The following TANC2 variants were observed in gnomAD, a reference collection of about 807,000 sequenced individuals.
TANC2 encodes tetratricopeptide repeat, ankyrin repeat and coiled-coil containing 2, also known as protein TANC2.
In TANC2, 26 loss-of-function variants were observed where a neutral mutation model predicts 210.5. The observed-to-expected ratio is 0.12, with a 90% CI of 0.09 to 0.17. The LOEUF is 0.17. TANC2 is among the 10% of genes least tolerant of loss of function. TANC2 has a pLI of 1.00. For missense variants in TANC2, 2,129 were observed against 2,608.9 expected, an observed-to-expected ratio of 0.82 and a Z score of 4.01; for synonymous variants, 931 against 967.1, an observed-to-expected ratio of 0.96 and a Z score of 0.69.
At chr17:62,972,996 T>C (rs1475529164) in intron 1 of TANC2, among the ~76,000 whole-genome samples, 2 of 151,724 alleles carry the variant, frequency 1.3e-5, no homozygotes, top group African/African-American at 4.8e-5. Flanking sequence ...CTATCTATTC[T>C]CCCCTTGCAC....
chr17:63,304,869 A>G (rs370838213), intron 9 of TANC2, among the ~76,000 whole-genome samples: 1 of 152,232 alleles, frequency 6.6e-6, no homozygotes, highest in Non-Finnish European at 1.5e-5. Flanking sequence ...GCGGTCTGCC[A>G]CAGCCAGTGT....
chr17:63,388,685 G>A lies in TANC2; in HGVS notation c.2742G>A (p.Trp914Ter). Residue 914 changes from tryptophan to a stop codon, truncating the protein, a stop_gained, in exon 16 of 28, where the codon TGG (tryptophan) becomes TGA (stop). Coordinates refer to ENST00000689528, the Ensembl canonical transcript of TANC2. LOFTEE classifies it high-confidence loss of function. ...CATCCTCCATCCTCCAAGGTCTCTG[G>A]ATCTCTTATAGCACAGAAGGTCTTT... is the stretch of plus-strand genomic sequence containing the variant. 6.2e-7 allele frequency: 1 copy of A among 1,606,368 alleles called. No individual in the cohort carries two copies. The highest frequency in any genetic ancestry group is 8.5e-7 in the Non-Finnish European group (1 of 1,176,102).
chr17:63,257,362 C>T (rs775948422), intron 8 of TANC2, among the ~76,000 whole-genome samples: 9 of 151,794 alleles, frequency 5.9e-5, no homozygotes, highest in Admixed American at 2.0e-4. Context: ...CATCTGGTTT[C>T]GGTTTTTGTT....
rs1251605724 is a variant in TANC2 at position 63,349,906 on chromosome 17, G to A, written c.1808-1344G>A. ...GAATTTCATGTTTTCTTAGTGCTTC[G>A]TCATCTAGAATACCACTCCATTAGT... On this transcript the variant is annotated intron_variant, in intron 12 of 27. Transcript: ENST00000689528. 3.3e-5 allele frequency among the ~76,000 whole-genome samples: 5 copies of A among 151,934 alleles called. No homozygotes were observed. In the South Asian group the frequency reaches 8.3e-4, roughly 25 times the overall value.
chr17:63,016,673 C>A (rs1032610486), intron 2 of TANC2, among the ~76,000 whole-genome samples: 4 of 152,124 alleles, frequency 2.6e-5, no homozygotes, highest in Non-Finnish European at 5.9e-5. Flanking sequence ...AATATTCTTT[C>A]TGTCATGGCA....
chr17:63,111,353 G>C (rs1044781729), intron 4 of TANC2, among the ~76,000 whole-genome samples: 11 of 152,122 alleles, frequency 7.2e-5, no homozygotes, highest in African/African-American at 2.7e-4. Context: ...TTAGTAAAGA[G>C]TTTAGCTCGT....
rs769313187 is a variant in TANC2 at position 63,314,482 on chromosome 17, A to C, written c.1254A>C (p.Arg418=). The C allele has an allele frequency of 4.3e-6, 7 of 1,613,884 alleles. No individual in the cohort carries two copies. The South Asian group carries it at 6.6e-5, about 15-fold the overall frequency. The change falls in exon 10 of 28, where the codon CGA becomes CGC. Residue 418 remains arginine, a synonymous_variant. Transcript: ENST00000689528. The stretch of plus-strand genomic sequence containing the variant: ...CTACAGAGTCAGTGTTTGTTGGCCG[A>C]GATTGGGTTTTCCACGAAATAGATG...
At chr17:63,367,735 T>C (rs2047151401) in intron 14 of TANC2, among the ~76,000 whole-genome samples, 1 of 152,046 alleles carries the variant, frequency 6.6e-6, no homozygotes, top group South Asian at 2.1e-4. Flanking sequence ...AGTGAGAACA[T>C]ATGAAATGCC....
chr17:63,193,085 GT>G (rs2041237047), intron 5 of TANC2, among the ~76,000 whole-genome samples: 1 of 152,096 alleles, frequency 6.6e-6, no homozygotes, highest in Admixed American at 6.6e-5. Flanking sequence ...GAAGAGACCA[GT>G]TTTGCCTTTT....
At position 63,349,034 on chromosome 17, in the gene TANC2, T is replaced by C. The variant is rs186426770; in HGVS notation, c.1808-2216T>C. ...ATGATATCCTTAGATAAATATGCCCTCCTTACTTCCTAAGTGATGACATTT... is the reference window on the plus strand; with the variant it reads ...ATGATATCCTTAGATAAATATGCCCCCCTTACTTCCTAAGTGATGACATTT... On this transcript the variant is annotated intron_variant, in intron 12 of 27. Coordinates refer to ENST00000689528, the Ensembl canonical transcript of TANC2. Among the ~76,000 whole-genome samples, 108 of 152,274 alleles carry C rather than the reference T, an allele frequency of 7.1e-4. 1 individual carries two copies. Among genetic ancestry groups the C allele is most frequent in the African/African-American group, 2.6e-3 (106 of 41,568 alleles).
At chr17:63,139,087 A>C (rs1423192675) in intron 4 of TANC2, among the ~76,000 whole-genome samples, 1 of 152,238 alleles carries the variant, frequency 6.6e-6, no homozygotes, top group Non-Finnish European at 1.5e-5. Context: ...ATCTCATCAA[A>C]TGACTAGATT....
At chr17:63,393,136 A>G (rs2048034084) in intron 17 of TANC2, among the ~76,000 whole-genome samples, 1 of 152,170 alleles carries the variant, frequency 6.6e-6, no homozygotes, top group Non-Finnish European at 1.5e-5. Flanking sequence ...TTGATCTTTT[A>G]TGAGCTTGAC....
At chr17:63,044,605 A>G (rs2035310010) in intron 2 of TANC2, among the ~76,000 whole-genome samples, 2 of 152,150 alleles carry the variant, frequency 1.3e-5, no homozygotes, top group African/African-American at 2.4e-5. Context: ...TAGGAACTAT[A>G]CCTAGAAATG....
chr17:63,176,439 G>A (rs796828898), intron 5 of TANC2, among the ~76,000 whole-genome samples: 6 of 152,192 alleles, frequency 3.9e-5, no homozygotes, highest in African/African-American at 1.4e-4. Flanking sequence ...AATACATACT[G>A]TTTAATTCCT....
At chr17:63,090,670 G>T (rs1438659788) in intron 3 of TANC2, among the ~76,000 whole-genome samples, 2 of 152,116 alleles carry the variant, frequency 1.3e-5, no homozygotes, top group African/African-American at 2.4e-5. Context: ...ATAAACATAC[G>T]TGCGCATGTG....
intron 4 of TANC2, chr17:63,150,734 C>T (rs1346036763): frequency 6.6e-6 from 1 of 152,088 alleles, no homozygotes; most frequent in Non-Finnish European, 1.5e-5. Flanking sequence ...ATATTTAATC[C>T]TACTTATGGT....
intron 4 of TANC2, among the ~76,000 whole-genome samples, chr17:63,100,801 A>G (rs1362505181): frequency 1.3e-5 from 2 of 152,190 alleles, no homozygotes; most frequent in Non-Finnish European, 2.9e-5. Context: ...GTTTATTAAG[A>G]GATAACTATT....
intron 19 of TANC2, among the ~76,000 whole-genome samples, chr17:63,400,494 A>G (rs187118323): frequency 2.0e-5 from 3 of 152,308 alleles, no homozygotes; most frequent in Non-Finnish European, 4.4e-5. Context: ...CCATATTTCA[A>G]GATTTTAAAA....
At chr17:63,408,133 C>T (rs553262966) in intron 21 of TANC2, among the ~76,000 whole-genome samples, 19 of 152,068 alleles carry the variant, frequency 1.2e-4, no homozygotes, top group Non-Finnish European at 1.9e-4. Context: ...AGGAAGCCAT[C>T]GTAATGGAAC....
Sources: allele counts gnomAD v4.1 joint callset (sites outside exome capture counted in the v4.1 genomes callset), GRCh38; gene constraint gnomAD v4.1.1; transcripts MANE v1.5; gene names NCBI Gene and HGNC (gene_info 2026-07-23, HGNC 2026-07-21).